The following PTPRD variants were observed in gnomAD, a reference collection of about 807,000 sequenced individuals.
The protein encoded by PTPRD is receptor-type tyrosine-protein phosphatase delta.
A neutral mutation model predicts 214.5 loss-of-function variants in PTPRD; 34 were observed. The observed-to-expected ratio is 0.16, with a 90% CI of 0.12 to 0.21. PTPRD has a LOEUF of 0.21. Among genes scored for constraint, PTPRD ranks in the 10% least tolerant of loss-of-function variants. PTPRD has a pLI of 1.00. For synonymous variants in PTPRD, 1,128 were observed against 845.7 expected (o/e 1.33, Z -5.79); for missense variants, 2,545 against 2,398.7 (o/e 1.06, Z -1.27).
chr9:9,527,004 T>C (rs1379321264), intron 8 of PTPRD, among the ~76,000 whole-genome samples: 1 of 152,168 alleles, frequency 6.6e-6, no homozygotes, highest in East Asian at 1.9e-4. Context: ...CATCTCCTTA[T>C]TATTTTTACC....
chr9:9,085,974 T>C (rs1296206368), intron 10 of PTPRD, among the ~76,000 whole-genome samples: 2 of 152,156 alleles, frequency 1.3e-5, no homozygotes, highest in Non-Finnish European at 2.9e-5. Flanking sequence ...AGTGAAAACA[T>C]TTTGGGCTAG....
intron 12 of PTPRD, among the ~76,000 whole-genome samples, chr9:8,696,866 C>T (rs940879751): frequency 1.3e-5 from 2 of 152,144 alleles, no homozygotes; most frequent in South Asian, 2.1e-4. Flanking sequence ...TCTTAGTATT[C>T]CTGCCAGAAT....
At chr9:9,354,532 G>A (rs925149715) in intron 9 of PTPRD, among the ~76,000 whole-genome samples, 1 of 149,190 alleles carries the variant, frequency 6.7e-6, no homozygotes, top group Non-Finnish European at 1.5e-5. Flanking sequence ...ATTTTTTTTT[G>A]TGGTAGGCTC....
At chr9:10,330,042 T>A (rs1374182820) in intron 3 of PTPRD, among the ~76,000 whole-genome samples, 1 of 151,908 alleles carries the variant, frequency 6.6e-6, no homozygotes, top group Non-Finnish European at 1.5e-5. Flanking sequence ...ACTATATTCC[T>A]GTACTTTTTT....
rs568837074 is a variant in PTPRD, at chr9:8,782,771, T to C, written c.-103-48825A>G. Among the ~76,000 whole-genome samples, 16 of 152,144 alleles carry C rather than the reference T, an allele frequency of 1.1e-4. No homozygotes were observed. In the East Asian group the frequency reaches 2.7e-3, roughly 26 times the overall value. On this transcript the variant is annotated intron_variant, in intron 11 of 45. Transcript: ENST00000381196. The stretch of plus-strand genomic sequence containing the variant: ...CACCACCACCTGACTAATTTTTATA[T>C]TTTTAGTAGAGACAGGGTTTCACCA...
At chr9:9,179,037 G>C (rs963377870) in intron 10 of PTPRD, among the ~76,000 whole-genome samples, 2 of 152,094 alleles carry the variant, frequency 1.3e-5, no homozygotes, top group Non-Finnish European at 2.9e-5. Context: ...TTAATGGTAT[G>C]CCTTAGTTAG....
intron 9 of PTPRD, among the ~76,000 whole-genome samples, chr9:9,333,504 T>TGTATATATATATATATA (rs1555249397): frequency 7.3e-6 from 1 of 137,248 alleles, no homozygotes; most frequent in African/African-American, 2.9e-5. Flanking sequence ...ATATAGTATA[T>TGTATATATATATATATA]TATATATATA....
At chr9:8,738,169 T>C (rs947993798) in intron 11 of PTPRD, among the ~76,000 whole-genome samples, 1 of 152,200 alleles carries the variant, frequency 6.6e-6, no homozygotes, top group Non-Finnish European at 1.5e-5. Flanking sequence ...CAGAGGGCAA[T>C]ACGATGCATG....
chr9:8,644,223 C>T (rs2096639360), intron 12 of PTPRD, among the ~76,000 whole-genome samples: 3 of 151,806 alleles, frequency 2.0e-5, no homozygotes, highest in South Asian at 2.1e-4. Context: ...ACCCTCTCTG[C>T]TGGGAGGTGA....
At chr9:10,199,712 C>A (rs1298423465) in intron 3 of PTPRD, among the ~76,000 whole-genome samples, 1 of 151,904 alleles carries the variant, frequency 6.6e-6, no homozygotes, top group Non-Finnish European at 1.5e-5. Context: ...CAGGAAGGAG[C>A]AAATCTGAAT....
intron 8 of PTPRD, among the ~76,000 whole-genome samples, chr9:9,418,360 G>C (rs1172163318): frequency 6.6e-6 from 1 of 151,896 alleles, no homozygotes; most frequent in African/African-American, 2.4e-5. Context: ...ATTAGTACTA[G>C]AGAAAACCGA....
intron 11 of PTPRD, among the ~76,000 whole-genome samples, chr9:8,974,190 T>C (rs2099255289): frequency 6.6e-6 from 1 of 152,120 alleles, no homozygotes; most frequent in Admixed American, 6.6e-5. Context: ...GGTCTTACAT[T>C]TAAATCTTTA....
At chr9:10,410,301 AAT>A (rs1312974070) in intron 2 of PTPRD, among the ~76,000 whole-genome samples, 2 of 145,680 alleles carry the variant, frequency 1.4e-5, no homozygotes, top group African/African-American at 2.5e-5. Context: ...TAATATATAT[AAT>A]ATATATATAA....
intron 5 of PTPRD, among the ~76,000 whole-genome samples, chr9:9,817,496 CT>C (rs2153562117): frequency 6.6e-6 from 1 of 152,204 alleles, no homozygotes; most frequent in Non-Finnish European, 1.5e-5. Context: ...TCAAATATGT[CT>C]TTAGAGGCCA....
chr9:9,407,340 G>A (rs5018692), intron 8 of PTPRD, among the ~76,000 whole-genome samples: 149,986 of 151,816 alleles, frequency 0.99, 74,095 homozygotes, highest in East Asian at 1. Flanking sequence ...ATTTACTATT[G>A]ATGACATTTA....
intron 3 of PTPRD, among the ~76,000 whole-genome samples, chr9:10,274,845 G>A (rs968058676): frequency 6.6e-6 from 1 of 152,068 alleles, no homozygotes; most frequent in Non-Finnish European, 1.5e-5. Context: ...AGGACATTCA[G>A]GATCTAGACA....
At chr9:9,229,490 C>CA in intron 9 of PTPRD, among the ~76,000 whole-genome samples, 1 of 152,034 alleles carries the variant, frequency 6.6e-6, no homozygotes, top group South Asian at 2.1e-4. Flanking sequence ...CTCAAAACCA[C>CA]AAAAAAGCAT....
chr9:9,240,609 G>A (rs1332611431), intron 9 of PTPRD, among the ~76,000 whole-genome samples: 1 of 152,066 alleles, frequency 6.6e-6, no homozygotes, highest in East Asian at 1.9e-4. Context: ...TACAAAGAGA[G>A]ACACTAAAGC....
chr9:9,212,103 T>G (rs35100681), intron 9 of PTPRD, among the ~76,000 whole-genome samples: 1 of 152,102 alleles, frequency 6.6e-6, no homozygotes, highest in South Asian at 2.1e-4. Context: ...TTTCAGTGTT[T>G]TGTATGGGCA....
Sources: gnomAD v4.1 joint callset for allele counts (sites outside exome capture counted in the v4.1 genomes callset) on GRCh38, gnomAD v4.1.1 for gene constraint, MANE v1.5 for transcripts, NCBI Gene and HGNC (gene_info 2026-07-23, HGNC 2026-07-21) for gene names.